Variants in TUT7 observed in about 807,000 individuals in gnomAD.
TUT7 encodes the protein terminal uridylyl transferase 7, also known as terminal uridylyltransferase 7.
TUT7 carries 33 observed loss-of-function variants against 165.9 expected under a neutral mutation model. The ratio of observed to expected loss-of-function variants is 0.20; its 90% CI spans 0.15 to 0.27. The LOEUF (loss-of-function observed/expected upper bound fraction) is 0.27, where lower values mean the gene tolerates loss of function less well. Among genes scored for constraint, TUT7 ranks in the 10% least tolerant of loss-of-function variants. The pLI is 1.00. For missense variants in TUT7, 1,338 were observed against 1,762.3 expected, an observed-to-expected ratio of 0.76 and a Z score of 4.31; for synonymous variants, 552 against 608.1, an observed-to-expected ratio of 0.91 and a Z score of 1.36.
chr9:86,309,384 C>A, intron 20 of TUT7, 79 bp downstream of exon 20: 2 of 1,461,426 alleles, frequency 1.4e-6, no homozygotes, highest in Non-Finnish European at 1.9e-6. Context: ...AACTACAGAA[C>A]CACAGAATTT....
intron 10 of TUT7, among the ~76,000 whole-genome samples, chr9:86,331,261 A>G (rs1317776904): frequency 6.6e-6 from 1 of 152,164 alleles, no homozygotes; most frequent in Non-Finnish European, 1.5e-5. Context: ...TAAAAAAACA[A>G]AAGAACCAGC....
At position 86,309,227 on chromosome 9, in the gene TUT7, A is replaced by T; in HGVS notation, c.3645T>A (p.Asp1215Glu). 6.4e-7 allele frequency: 1 copy of T among 1,570,642 alleles called. No homozygotes were observed. Among genetic ancestry groups the T allele is most frequent in the Non-Finnish European group, 8.7e-7 (1 of 1,145,492 alleles). The stretch of plus-strand genomic sequence containing the variant: ...AAATACGTACCAGTTCATCTATTTG[A>T]TCAAAAAAATAAATATTCCAGCCAT... ...FVDGWNIYFF[D>E]QIDELPTYWS... Residue 1215 changes from aspartate to glutamate, a missense_variant, in exon 21 of 27, where the codon GAT becomes GAA. Physicochemically the swap from Asp to Glu is conservative, Grantham distance 45. Transcript: ENST00000375963.
chr9:86,328,201 G>C, intron 11 of TUT7, 139 bp downstream of exon 11: 2 of 718,376 alleles, frequency 2.8e-6, no homozygotes, highest in Non-Finnish European at 4.1e-6. Flanking sequence ...TTACTTGTCT[G>C]TTCGAGGTAC....
chr9:86,343,151 C>T lies in TUT7; in HGVS notation c.1010G>A (p.Arg337Lys). The T allele has an allele frequency of 6.4e-7, 1 of 1,553,782 alleles. No individual in the cohort carries two copies. Among genetic ancestry groups the T allele is most frequent in the Non-Finnish European group, 8.7e-7 (1 of 1,150,180 alleles). The change falls in exon 6 of 27, where the codon AGA becomes AAA. Residue 337 changes from arginine (R) to lysine (K), a missense_variant. By Grantham distance (26) the Arg-to-Lys change is conservative (BLOSUM62 2). Coordinates refer to ENST00000375963, the MANE Select transcript of TUT7 (RefSeq NM_024617.4). ...TCTGCTACAGGATGACCCATATAAT[C>T]TTAGGGAACAATCTAAAAAATAAAT... The part of the protein sequence containing the change: ...FQHKLPDCSL[R>K]LYGSSCSRLG...
At chr9:86,325,192 G>C (rs1443241248) in intron 12 of TUT7, 142 bp downstream of exon 12, 1 of 742,278 alleles carries the variant, frequency 1.3e-6, no homozygotes, top group Non-Finnish European at 2.2e-6. Flanking sequence ...ACACATGCAA[G>C]ATTCTAACTA....
chr9:86,319,151 TG>T, intron 15 of TUT7, 93 bp from the exon 16 acceptor site: 1 of 766,272 alleles, frequency 1.3e-6, no homozygotes, highest in Non-Finnish European at 2.1e-6. Flanking sequence ...AACACCCAGT[TG>T]TTTAATTATC....
At chr9:86,312,092 T>C (rs529196244) in intron 17 of TUT7, among the ~76,000 whole-genome samples, 1 of 151,478 alleles carries the variant, frequency 6.6e-6, no homozygotes, top group East Asian at 2.0e-4. Flanking sequence ...TCGTCTGGGA[T>C]GTGAGGAGCC....
chr9:86,334,266 T>A (rs1830571767), intron 10 of TUT7, among the ~76,000 whole-genome samples: 1 of 152,148 alleles, frequency 6.6e-6, no homozygotes, highest in African/African-American at 2.4e-5. Flanking sequence ...AATGGCAACT[T>A]TTCCTCTCAT....
At chr9:86,310,435 A>G (rs1827942003) in intron 18 of TUT7, among the ~76,000 whole-genome samples, 1 of 152,142 alleles carries the variant, frequency 6.6e-6, no homozygotes, top group Admixed American at 6.5e-5. Context: ...CTGGTGAAAT[A>G]AACAATCAGT....
chr9:86,302,247 C>A (rs983880479), intron 25 of TUT7, among the ~76,000 whole-genome samples: 2 of 152,134 alleles, frequency 1.3e-5, no homozygotes, highest in African/African-American at 4.8e-5. Flanking sequence ...TCTCTTGCCC[C>A]CCAATAAACG....
At position 86,303,135 on chromosome 9, in the gene TUT7, T is replaced by G; in HGVS notation, c.4045A>C (p.Ile1349Leu). Residue 1349 changes from isoleucine (I) to leucine (L), a missense_variant, in exon 25 of 27, where the codon ATT (isoleucine) becomes CTT (leucine). Transcript: ENST00000375963. ...ATGAAGTGTCCGATTTTTCCACAAA[T>G]TCGACAACATCTATCATTTGGGGCC... ...ELAPNDRCCR[I>L]CGKIGHFMKD... 1 of 1,611,446 alleles carries G rather than the reference T, an allele frequency of 6.2e-7. No homozygotes were observed. Among genetic ancestry groups the G allele is most frequent in the Non-Finnish European group, 8.5e-7 (1 of 1,178,714 alleles).
At chr9:86,330,900 G>A (rs1830255742) in intron 10 of TUT7, among the ~76,000 whole-genome samples, 1 of 150,130 alleles carries the variant, frequency 6.7e-6, no homozygotes, top group Non-Finnish European at 1.5e-5. Context: ...TTTGAGATGG[G>A]GTCTTGCTCT....
At chr9:86,322,728 A>G in intron 13 of TUT7, 145 bp downstream of exon 13, 2 of 1,029,802 alleles carry the variant, frequency 1.9e-6, no homozygotes, top group Non-Finnish European at 2.7e-6. Context: ...GGAGAAAAGC[A>G]GACCGAGCAG....
In TUT7 at chr9:86,304,847, C is replaced by T. The variant is rs774007683; in HGVS notation, c.3978+9G>A. ...ATTTTTTATTTTTTGGTATTTCCAA[C>T]ACACTTACCATTTTTGAGGGGTAGT... is the stretch of plus-strand genomic sequence containing the variant. On this transcript the variant is annotated intron_variant, in intron 24 of 26. Transcript: ENST00000375963. 56 of 1,582,498 alleles carry T rather than the reference C, an allele frequency of 3.5e-5. No homozygotes were observed. Among genetic ancestry groups the T allele is most frequent in the Non-Finnish European group, 4.8e-5 (56 of 1,160,840 alleles).
At chr9:86,292,512 T>C in intron 26 of TUT7, among the ~76,000 whole-genome samples, 1 of 148,532 alleles carries the variant, frequency 6.7e-6, no homozygotes, top group Admixed American at 6.8e-5. Flanking sequence ...CTCATAATAA[T>C]GGATGTTTCT....
intron 6 of TUT7, among the ~76,000 whole-genome samples, chr9:86,341,451 A>G (rs1451803334): frequency 6.6e-6 from 1 of 152,196 alleles, no homozygotes; most frequent in African/African-American, 2.4e-5. Flanking sequence ...TTGTTTCGCA[A>G]TGGAGCCAGG....
intron 9 of TUT7, 145 bp downstream of exon 9, chr9:86,338,678 C>A (rs1030966651): frequency 3.6e-6 from 3 of 825,946 alleles, no homozygotes; most frequent in Non-Finnish European, 1.7e-6. Flanking sequence ...TCCGTCTGTA[C>A]GTTTCTGTTG....
Position 86,287,813 on chromosome 9 carries a change from G to A in TUT7, c.*864C>T, listed in dbSNP as rs889815566. ...TCTGACCAGGTACTATGTCTGCAGG[G>A]CTTTTGAAATTAAAGAAACAGTCCA... is the stretch of plus-strand genomic sequence containing the variant. On this transcript the variant is annotated 3_prime_UTR_variant, in exon 27 of 27. Coordinates refer to ENST00000375963, the MANE Select transcript of TUT7 (RefSeq NM_024617.4). 2.6e-5 allele frequency: 4 copies of A among 151,936 alleles called. 1 individual carries two copies. In the South Asian group the frequency reaches 6.2e-4, roughly 24 times the overall value. 9.4% of individuals were successfully genotyped at this position (151,936 alleles called of 1,614,324 possible). A position where few individuals can be genotyped will look rare whatever the true frequency, so the allele number is the denominator to read the frequency against.
In TUT7 at chr9:86,322,339, C is replaced by T. The variant is rs773534348; in HGVS notation, c.3014G>A (p.Cys1005Tyr). 1 of 1,613,342 alleles carries T rather than the reference C, an allele frequency of 6.2e-7. No homozygotes were observed. The highest frequency in any genetic ancestry group is 1.1e-5 in the South Asian group (1 of 90,916). The change falls in exon 14 of 27, where the codon TGT becomes TAT. Residue 1005 changes from cysteine (C) to tyrosine (Y), a missense_variant. Cys to Tyr is a radical substitution (Grantham distance 194, BLOSUM62 -2). Transcript: ENST00000375963. The part of the protein sequence containing the change: ...PKFLNILDQV[C>Y]IQCYKDFSPT... ...GAATAACTTACTATAACACTGGATA[C>T]AGACTTGATCTAAGATATTTAAAAA...
Sources: gnomAD v4.1 joint callset for allele counts (sites outside exome capture counted in the v4.1 genomes callset) on GRCh38, gnomAD v4.1.1 for gene constraint, MANE v1.5 for transcripts, NCBI Gene and HGNC (gene_info 2026-07-23, HGNC 2026-07-21) for gene names.